The following KPNA4 variants were observed in gnomAD, a reference collection of about 807,000 sequenced individuals.
The protein encoded by KPNA4 is karyopherin subunit alpha 4, also known as importin subunit alpha-3.
KPNA4 carries 13 observed loss-of-function variants against 71.3 expected under a neutral mutation model. The observed-to-expected ratio is 0.18, with a 90% confidence interval of 0.12 to 0.29. The LOEUF is 0.29. KPNA4 is among the 10% of genes least tolerant of loss of function. The pLI, the probability that KPNA4 is intolerant of heterozygous loss-of-function variation, is 1.00. For synonymous variants in KPNA4, 189 were observed against 195.2 expected (o/e 0.97, Z 0.26); for missense variants, 334 against 603.2 (o/e 0.55, Z 4.67).
At chr3:160,529,451 C>G (rs1721525387) in intron 7 of KPNA4, among the ~76,000 whole-genome samples, 1 of 152,050 alleles carries the variant, frequency 6.6e-6, no homozygotes, top group South Asian at 2.1e-4. Flanking sequence ...CAAAACCAAA[C>G]CAGTTTTAAT....
intron 1 of KPNA4, among the ~76,000 whole-genome samples, chr3:160,551,264 A>T (rs1177677517): frequency 6.6e-6 from 1 of 152,196 alleles, no homozygotes; most frequent in African/African-American, 2.4e-5. Context: ...TTGGCATACA[A>T]GCCACACATA....
chr3:160,529,928 G>A (rs1348987307), intron 7 of KPNA4, among the ~76,000 whole-genome samples: 2 of 150,576 alleles, frequency 1.3e-5, no homozygotes, highest in East Asian at 4.0e-4. Flanking sequence ...AGGAGATCGA[G>A]ACCGAGACCA....
At chr3:160,543,342 T>C (rs1022469170) in intron 1 of KPNA4, among the ~76,000 whole-genome samples, 32 of 151,888 alleles carry the variant, frequency 2.1e-4, no homozygotes, top group Non-Finnish European at 4.3e-4. Context: ...TCAAAAACTG[T>C]ATCATTTTTT....
At chr3:160,563,178 T>C (rs909209530) in intron 1 of KPNA4, among the ~76,000 whole-genome samples, 12 of 147,822 alleles carry the variant, frequency 8.1e-5, no homozygotes, top group South Asian at 2.2e-4. Context: ...TGGAGGATCA[T>C]TGGATCATTC....
At position 160,498,731 on chromosome 3, in the gene KPNA4, T is replaced by C. The variant is rs1577041798; in HGVS notation, c.*3373A>G. 1 of 152,172 alleles carries C rather than the reference T, an allele frequency of 6.6e-6. No individual in the cohort carries two copies. 9.4% of individuals were successfully genotyped at this position (152,172 alleles called of 1,614,324 possible). On this transcript the variant is annotated 3_prime_UTR_variant, in exon 17 of 17. Coordinates refer to ENST00000334256, the MANE Select transcript of KPNA4 (RefSeq NM_002268.5). ...CATATGTGCATAAAAGAGGACCCCCTAGCTTCAGATAAGACTGCAGCTCTG... is the reference window on the plus strand; with the variant it reads ...CATATGTGCATAAAAGAGGACCCCCCAGCTTCAGATAAGACTGCAGCTCTG...
intron 10 of KPNA4, among the ~76,000 whole-genome samples, chr3:160,522,595 C>T (rs561431986): frequency 2.6e-5 from 4 of 152,072 alleles, no homozygotes; most frequent in Admixed American, 1.3e-4. Flanking sequence ...GTAGCTGGGA[C>T]TACAGGCGCA....
rs1292184642 is a variant in KPNA4, at chr3:160,500,462, T to C, written c.*1642A>G. ...GTTTCTTATAGCAAACTGTTGTTCA[T>C]GCAACACTTGTGCTCAAAGGGGAAG... On this transcript the variant is annotated 3_prime_UTR_variant, in exon 17 of 17. Coordinates refer to ENST00000334256, the MANE Select transcript of KPNA4 (RefSeq NM_002268.5). 6.6e-6 allele frequency: 1 copy of C among 152,642 alleles called. No homozygotes were observed. Among genetic ancestry groups the C allele is most frequent in the Non-Finnish European group, 1.5e-5 (1 of 68,024 alleles). The allele number at this position is 152,642 out of a possible 1,614,324, so 9.5% of individuals were successfully genotyped here.
chr3:160,563,734 T>G (rs1218322142), intron 1 of KPNA4, among the ~76,000 whole-genome samples: 1 of 152,180 alleles, frequency 6.6e-6, no homozygotes, highest in African/African-American at 2.4e-5. Flanking sequence ...CATAAACAAG[T>G]AAATTTACTG....
chr3:160,531,881 C>T (rs1001093891), intron 5 of KPNA4, among the ~76,000 whole-genome samples: 3 of 152,104 alleles, frequency 2.0e-5, no homozygotes, highest in Non-Finnish European at 2.9e-5. Flanking sequence ...CAAGCTCTGC[C>T]TTCTGGGTTC....
intron 1 of KPNA4, among the ~76,000 whole-genome samples, chr3:160,555,497 A>G (rs987513433): frequency 5.9e-5 from 9 of 152,202 alleles, no homozygotes; most frequent in East Asian, 1.9e-4. Context: ...CTATGCCTAC[A>G]TATCTATGAT....
At chr3:160,518,954 T>C (rs890967170) in intron 11 of KPNA4, among the ~76,000 whole-genome samples, 3 of 152,246 alleles carry the variant, frequency 2.0e-5, no homozygotes, top group Non-Finnish European at 4.4e-5. Context: ...TCTATATTTA[T>C]GCCAGTATCA....
intron 9 of KPNA4, 34 bp downstream of exon 9, chr3:160,525,904 G>T: frequency 6.5e-7 from 1 of 1,530,846 alleles, no homozygotes; most frequent in Non-Finnish European, 8.8e-7. Context: ...ATATATAATG[G>T]TATCTCTTTT....
At chr3:160,517,118 C>A (rs946832598) in intron 11 of KPNA4, among the ~76,000 whole-genome samples, 3 of 152,000 alleles carry the variant, frequency 2.0e-5, no homozygotes, top group African/African-American at 7.3e-5. Flanking sequence ...CATTAGTGAT[C>A]ACTCCCACAC....
chr3:160,540,551 C>T (rs1421642353), intron 1 of KPNA4, among the ~76,000 whole-genome samples: 2 of 152,216 alleles, frequency 1.3e-5, no homozygotes, highest in African/African-American at 4.8e-5. Context: ...ACACCCTATG[C>T]ACCACAGCCT....
chr3:160,510,944 C>T (rs909957796), intron 13 of KPNA4, among the ~76,000 whole-genome samples: 7 of 150,738 alleles, frequency 4.6e-5, no homozygotes, highest in South Asian at 2.1e-4. Context: ...TGCACCACCA[C>T]GCCTGGCTAG....
At chr3:160,556,732 G>A (rs1348641349) in intron 1 of KPNA4, among the ~76,000 whole-genome samples, 2 of 152,096 alleles carry the variant, frequency 1.3e-5, no homozygotes, top group Non-Finnish European at 2.9e-5. Flanking sequence ...GGATTTGGAC[G>A]CTCAACCTGT....
At chr3:160,527,860 A>C in intron 8 of KPNA4, 93 bp downstream of exon 8, 1 of 895,900 alleles carries the variant, frequency 1.1e-6, no homozygotes, top group Non-Finnish European at 1.7e-6. Context: ...TACTGAAGGC[A>C]AACTGTTTTC....
chr3:160,559,924 T>A (rs950781508), intron 1 of KPNA4, among the ~76,000 whole-genome samples: 1 of 152,092 alleles, frequency 6.6e-6, no homozygotes, highest in Admixed American at 6.5e-5. Flanking sequence ...CAATATACAG[T>A]TCTCATATTA....
chr3:160,526,511 T>A (rs535812177), intron 8 of KPNA4, among the ~76,000 whole-genome samples: 1 of 152,262 alleles, frequency 6.6e-6, no homozygotes, highest in Non-Finnish European at 1.5e-5. Context: ...TAGAAAACTA[T>A]GTCAGAAGAA....
Sources: allele counts gnomAD v4.1 joint callset (sites outside exome capture counted in the v4.1 genomes callset), GRCh38; gene constraint gnomAD v4.1.1; transcripts MANE v1.5; gene names NCBI Gene and HGNC (gene_info 2026-07-23, HGNC 2026-07-21).